TIAM1: variants seen among roughly 807,000 people sequenced by gnomAD.
TIAM1 encodes TIAM Rac1 associated GEF 1.
In TIAM1, 65 loss-of-function variants were observed where a neutral mutation model predicts 163.5. The ratio of observed to expected loss-of-function variants is 0.40; its 90% confidence interval spans 0.33 to 0.49. The LOEUF (loss-of-function observed/expected upper bound fraction) is 0.49. Ranked by LOEUF, TIAM1 falls within the 20% of genes least tolerant of loss-of-function variation. TIAM1 has a pLI of 0.77. For synonymous variants in TIAM1, 833 were observed against 810.1 expected, an observed-to-expected ratio of 1.03 and a Z score of -0.48; for missense variants, 1,789 against 2,044.7, an observed-to-expected ratio of 0.87 and a Z score of 2.41.
intron 4 of TIAM1, among the ~76,000 whole-genome samples, chr21:31,262,961 A>T (rs1347303192): frequency 2.6e-5 from 4 of 152,066 alleles, no homozygotes; most frequent in African/African-American, 4.8e-5. Flanking sequence ...ATTTTTTTTT[A>T]AAAAAGCATT....
intron 2 of TIAM1, among the ~76,000 whole-genome samples, chr21:31,287,854 TC>T (rs1427276135): frequency 6.6e-6 from 1 of 152,162 alleles, no homozygotes; most frequent in Non-Finnish European, 1.5e-5. Context: ...AACATAGTTT[TC>T]CCACCTGGGT....
At chr21:31,246,793 G>A (rs1433677538) in intron 5 of TIAM1, among the ~76,000 whole-genome samples, 2 of 152,180 alleles carry the variant, frequency 1.3e-5, no homozygotes, top group African/African-American at 4.8e-5. Flanking sequence ...CCAAACAGAT[G>A]AATGTAGCAT....
chr21:31,203,637 AC>A (rs777830451), intron 11 of TIAM1, among the ~76,000 whole-genome samples: 30 of 151,744 alleles, frequency 2.0e-4, no homozygotes, highest in Admixed American at 1.2e-3. Flanking sequence ...TCAACACAAC[AC>A]AGCAGATCAA....
intron 1 of TIAM1, among the ~76,000 whole-genome samples, chr21:31,530,316 C>A (rs1485179080): frequency 1.3e-5 from 2 of 152,256 alleles, no homozygotes; most frequent in South Asian, 4.1e-4. Flanking sequence ...ACTTTTTAGA[C>A]AAGGCAATTG....
intron 12 of TIAM1, among the ~76,000 whole-genome samples, chr21:31,199,727 C>T (rs2086095819): frequency 6.6e-6 from 1 of 151,388 alleles, no homozygotes; most frequent in South Asian, 2.1e-4. Flanking sequence ...GATGGAGTTT[C>T]AGCATGTTGG....
chr21:31,349,549 G>A (rs76032027), intron 2 of TIAM1, among the ~76,000 whole-genome samples: 4,188 of 152,176 alleles, frequency 0.028, 217 homozygotes, highest in African/African-American at 0.095. Context: ...CTCCCTGCTC[G>A]GCAGCAATAA....
At chr21:31,444,560 G>C (rs2044547463) in intron 2 of TIAM1, among the ~76,000 whole-genome samples, 1 of 151,908 alleles carries the variant, frequency 6.6e-6, no homozygotes, top group Non-Finnish European at 1.5e-5. Context: ...TCCCCATAAG[G>C]CATGAAGCAA....
At chr21:31,264,402 C>T (rs1027266724) in intron 4 of TIAM1, among the ~76,000 whole-genome samples, 5 of 152,312 alleles carry the variant, frequency 3.3e-5, no homozygotes, top group African/African-American at 1.2e-4. Context: ...ATGAAAATTA[C>T]AACAGCTAAC....
rs1433842375 is a variant in TIAM1 at position 31,536,932 on chromosome 21, T to C, written c.-422+21995A>G. On this transcript the variant is annotated intron_variant, in intron 1 of 28. Coordinates refer to the TIAM1 transcript ENST00000286827. Reference sequence around the variant, plus strand: ...CCTGCCATGACAGAGACGTTGATTGTCACAGTTCTGGACACTAGAAGTCCA... The same window carrying C: ...CCTGCCATGACAGAGACGTTGATTGCCACAGTTCTGGACACTAGAAGTCCA... Among the ~76,000 whole-genome samples, 5 of 152,350 alleles carry C rather than the reference T, an allele frequency of 3.3e-5. No individual in the cohort carries two copies. In the East Asian group the frequency reaches 9.7e-4, roughly 29 times the overall value.
chr21:31,414,751 G>A (rs561510004), intron 2 of TIAM1, among the ~76,000 whole-genome samples: 1 of 152,366 alleles, frequency 6.6e-6, no homozygotes, highest in Non-Finnish European at 1.5e-5. Context: ...GCAGATGGAT[G>A]AGATCTGAGA....
chr21:31,513,612 T>C (rs2047284277), intron 1 of TIAM1, among the ~76,000 whole-genome samples: 1 of 152,200 alleles, frequency 6.6e-6, no homozygotes, highest in South Asian at 2.1e-4. Flanking sequence ...TATACCTATA[T>C]TGAAAGAGCT....
Position 31,469,896 on chromosome 21 carries a change from C to G in TIAM1, c.-421-5861G>C, listed in dbSNP as rs569428203. Among the ~76,000 whole-genome samples, 20 of 151,930 alleles carry G rather than the reference C, an allele frequency of 1.3e-4. No individual in the cohort carries two copies. In the South Asian group the frequency reaches 2.1e-3, roughly 16 times the overall value. ...TTGCCCTCAATGGAGAGGGAAGAAACAGAGAACCTGATTTTTAAGCTAGAT... is the reference window on the plus strand; with the variant it reads ...TTGCCCTCAATGGAGAGGGAAGAAAGAGAGAACCTGATTTTTAAGCTAGAT... On this transcript the variant is annotated intron_variant, in intron 1 of 28. Coordinates refer to the TIAM1 transcript ENST00000286827.
chr21:31,325,536 C>T (rs570104867), intron 2 of TIAM1, among the ~76,000 whole-genome samples: 1 of 151,608 alleles, frequency 6.6e-6, no homozygotes, highest in Admixed American at 6.6e-5. Context: ...GGTGTAGTGG[C>T]GCTCACCTGT....
At chr21:31,504,175 C>T (rs967385559) in intron 1 of TIAM1, among the ~76,000 whole-genome samples, 2 of 152,194 alleles carry the variant, frequency 1.3e-5, no homozygotes, top group Non-Finnish European at 2.9e-5. Flanking sequence ...TGAGGACTGA[C>T]AGGTTCCTGC....
chr21:31,131,208 A>T (rs1290458749), intron 23 of TIAM1, among the ~76,000 whole-genome samples: 1 of 152,176 alleles, frequency 6.6e-6, no homozygotes, highest in Non-Finnish European at 1.5e-5. Context: ...CTTTTGCGTA[A>T]AATATGTTAG....
At chr21:31,249,640 GGGAAGT>G (rs1353724094) in intron 5 of TIAM1, among the ~76,000 whole-genome samples, 18 of 152,240 alleles carry the variant, frequency 1.2e-4, no homozygotes, top group Admixed American at 1.0e-3. Context: ...GGGGAGAAGC[GGGAAGT>G]GGAAGAGGAA....
intron 22 of TIAM1, among the ~76,000 whole-genome samples, chr21:31,137,065 CAG>C (rs1862805171): frequency 6.6e-6 from 1 of 152,238 alleles, no homozygotes. Context: ...CACGATGATC[CAG>C]AGAGTCTGAT....
chr21:31,521,273 G>C (rs1373844278), intron 1 of TIAM1, among the ~76,000 whole-genome samples: 1 of 152,164 alleles, frequency 6.6e-6, no homozygotes, highest in African/African-American at 2.4e-5. Flanking sequence ...AAGCTGGAAG[G>C]CTTCATTTAA....
At chr21:31,143,813 A>T (rs1017215246) in intron 20 of TIAM1, among the ~76,000 whole-genome samples, 3 of 150,142 alleles carry the variant, frequency 2.0e-5, no homozygotes, top group African/African-American at 7.4e-5. Flanking sequence ...TGCAACCTCT[A>T]CCTCCCGAGT....
Sources: allele counts gnomAD v4.1 joint callset (sites outside exome capture counted in the v4.1 genomes callset), GRCh38; gene constraint gnomAD v4.1.1; transcripts MANE v1.5; gene names NCBI Gene and HGNC (gene_info 2026-07-23, HGNC 2026-07-21).